Variants in ATXN7L1 observed in about 807,000 individuals in gnomAD.
ATXN7L1 encodes ataxin-7-like protein 1.
ATXN7L1 carries 15 observed loss-of-function variants against 70.8 expected under a neutral mutation model. That is an observed-to-expected ratio of 0.21 (90% CI 0.14 to 0.33). The LOEUF (loss-of-function observed/expected upper bound fraction) is 0.33, where lower values mean the gene tolerates loss of function less well. ATXN7L1 is among the 10% of genes least tolerant of loss of function. ATXN7L1 has a pLI of 1.00. For missense variants in ATXN7L1, 975 were observed against 1,097.1 expected (o/e 0.89, Z 1.57); for synonymous variants, 440 against 445.1 (o/e 0.99, Z 0.14).
intron 3 of ATXN7L1, among the ~76,000 whole-genome samples, chr7:105,770,979 A>C (rs1801906861): frequency 6.6e-6 from 1 of 152,034 alleles, no homozygotes; most frequent in Non-Finnish European, 1.5e-5. Context: ...AGGCAGGCGG[A>C]TCACGAGGTC....
chr7:105,672,728 C>A (rs1323299558), intron 3 of ATXN7L1, among the ~76,000 whole-genome samples: 1 of 152,122 alleles, frequency 6.6e-6, no homozygotes, highest in Non-Finnish European at 1.5e-5. Flanking sequence ...AAAGAGCCAG[C>A]GGGACCTCTC....
In ATXN7L1 at chr7:105,875,837, C is replaced by T. The variant is rs182896264; in HGVS notation, c.225G>A (p.Arg75=). Residue 75 remains arginine (R), a synonymous_variant, in exon 2 of 12, where the codon AGG becomes AGA. Transcript: ENST00000419735. ...EEAGKEGGKS[R]EVMRLNKEDM... is the part of the protein sequence containing the mutation. ...CTTCTTTATTAAGCCTCATAACCTC[C>T]CTGCTTTTTCCACCCTCTTTTCCAG... The T allele has an allele frequency of 5.0e-6, 8 of 1,613,824 alleles. No individual in the cohort carries two copies. The African/African-American group carries it at 8.0e-5, about 16-fold the overall frequency.
At chr7:105,634,266 A>C (rs533930121) in intron 7 of ATXN7L1, among the ~76,000 whole-genome samples, 30 of 152,342 alleles carry the variant, frequency 2.0e-4, no homozygotes, top group African/African-American at 6.7e-4. Flanking sequence ...TCTAACGTCA[A>C]AGCATAGGAT....
intron 3 of ATXN7L1, among the ~76,000 whole-genome samples, chr7:105,767,077 T>C (rs571443870): frequency 1.7e-4 from 26 of 152,188 alleles, no homozygotes; most frequent in Admixed American, 1.2e-3. Context: ...TTTTCCCGTG[T>C]TGAGGCAGAC....
chr7:105,693,803 C>A (rs1264055464), intron 3 of ATXN7L1, among the ~76,000 whole-genome samples: 2 of 152,122 alleles, frequency 1.3e-5, no homozygotes, highest in Non-Finnish European at 2.9e-5. Flanking sequence ...TCAAAGTAAC[C>A]CACATTTTAT....
intron 3 of ATXN7L1, among the ~76,000 whole-genome samples, chr7:105,699,756 T>A (rs1792203738): frequency 6.6e-6 from 1 of 152,206 alleles, no homozygotes; most frequent in Non-Finnish European, 1.5e-5. Flanking sequence ...TGCCCCATCA[T>A]CATGGGTGGT....
intron 2 of ATXN7L1, 107 bp from the exon 3 acceptor site, chr7:105,788,815 C>A (rs555929608): frequency 2.3e-6 from 2 of 857,956 alleles, no homozygotes; most frequent in Admixed American, 2.1e-5. Context: ...AAACACAACA[C>A]GCAGAAAGGC....
In ATXN7L1 at chr7:105,606,115, C is replaced by T. The variant is rs536736970; in HGVS notation, c.*1737G>A. ...CAATTTGCAGTCTCTTTTCCCAAGACGTAAATAAACCAGCATATAAGTGCA... is the reference window on the plus strand; with the variant it reads ...CAATTTGCAGTCTCTTTTCCCAAGATGTAAATAAACCAGCATATAAGTGCA... On this transcript the variant is annotated 3_prime_UTR_variant, in exon 12 of 12. Transcript: ENST00000419735. The T allele has an allele frequency of 3.3e-5, 5 of 151,516 alleles. No homozygotes were observed. The highest frequency in any genetic ancestry group is 3.9e-4 in the East Asian group (2 of 5,182). 9.4% of individuals were successfully genotyped at this position (151,516 alleles called of 1,614,324 possible). A position where few individuals can be genotyped will look rare whatever the true frequency, so the allele number is the denominator to read the frequency against.
chr7:105,851,683 C>T (rs921238738), intron 2 of ATXN7L1, among the ~76,000 whole-genome samples: 3 of 152,174 alleles, frequency 2.0e-5, no homozygotes, highest in East Asian at 1.9e-4. Flanking sequence ...TGTGTCTCCC[C>T]CACAAGCTGT....
chr7:105,699,114 A>C (rs1318306254), intron 3 of ATXN7L1, among the ~76,000 whole-genome samples: 1 of 152,122 alleles, frequency 6.6e-6, no homozygotes, highest in Non-Finnish European at 1.5e-5. Context: ...TCTTTCCAAA[A>C]GATCTTCATT....
At chr7:105,738,705 A>G (rs371216486) in intron 3 of ATXN7L1, among the ~76,000 whole-genome samples, 1 of 152,162 alleles carries the variant, frequency 6.6e-6, no homozygotes, top group East Asian at 1.9e-4. Context: ...ACCCCTCTGC[A>G]CGGTATCTGT....
intron 10 of ATXN7L1, 98 bp from the exon 11 acceptor site, chr7:105,610,701 G>T: frequency 1.0e-6 from 1 of 992,500 alleles, no homozygotes; most frequent in Non-Finnish European, 1.5e-6. Flanking sequence ...GCTGCACAAT[G>T]CCTCCTTCAT....
intron 4 of ATXN7L1, among the ~76,000 whole-genome samples, chr7:105,664,567 A>T: frequency 8.4e-6 from 1 of 119,222 alleles, no homozygotes; most frequent in African/African-American, 2.9e-5. Context: ...TATATTATGT[A>T]TGTGTGTGTA....
intron 2 of ATXN7L1, among the ~76,000 whole-genome samples, chr7:105,813,802 T>A (rs1047954400): frequency 5.3e-5 from 8 of 152,144 alleles, no homozygotes; most frequent in Non-Finnish European, 1.5e-5. Context: ...CAAAAGCAAT[T>A]CTATCTCTCT....
chr7:105,852,968 A>G (rs1815102416), intron 2 of ATXN7L1, among the ~76,000 whole-genome samples: 1 of 152,196 alleles, frequency 6.6e-6, no homozygotes. Flanking sequence ...CACACACTGC[A>G]TGAATCCCCT....
chr7:105,700,871 G>A (rs528293443), intron 3 of ATXN7L1, among the ~76,000 whole-genome samples: 17 of 152,108 alleles, frequency 1.1e-4, no homozygotes, highest in Admixed American at 8.5e-4. Flanking sequence ...TTGTAGAGAT[G>A]GGGTTTCACC....
chr7:105,778,568 C>A (rs1425626491), intron 3 of ATXN7L1, among the ~76,000 whole-genome samples: 1 of 149,058 alleles, frequency 6.7e-6, no homozygotes, highest in African/African-American at 2.5e-5. Context: ...TTATGAAGAT[C>A]CTATTAATTT....
In ATXN7L1 at chr7:105,733,657, T is replaced by TCCAC. The variant is rs1563049148; in HGVS notation, c.355+54946_355+54947insGTGG. Among the ~76,000 whole-genome samples the TCCAC allele has an allele frequency of 2.8e-4, 24 of 84,706 alleles. 1 individual carries two copies. The highest frequency in any genetic ancestry group is 4.3e-4 in the Non-Finnish European group (18 of 41,598). The allele number at this position is 84,706 out of a possible 152,430, so 55.6% of individuals were successfully genotyped here. On this transcript the variant is annotated intron_variant, in intron 3 of 11. Coordinates refer to ENST00000419735, the MANE Select transcript of ATXN7L1 (RefSeq NM_020725.2). Reference sequence around the variant, plus strand: ...ACCCATCCATCCATCCATCCATCCATCCATCCATCCATCCATCCATCCACC... The same window carrying TCCAC: ...ACCCATCCATCCATCCATCCATCCATCCACCCATCCATCCATCCATCCATCCACC...
intron 2 of ATXN7L1, among the ~76,000 whole-genome samples, chr7:105,818,957 A>G (rs1406254122): frequency 1.3e-5 from 2 of 151,266 alleles, no homozygotes; most frequent in Non-Finnish European, 2.9e-5. Context: ...ATAGGTATAC[A>G]TGTGCCATGT....
Sources: allele counts gnomAD v4.1 joint callset (sites outside exome capture counted in the v4.1 genomes callset), GRCh38; gene constraint gnomAD v4.1.1; transcripts MANE v1.5; gene names NCBI Gene and HGNC (gene_info 2026-07-23, HGNC 2026-07-21).